CDC40: variants seen among roughly 807,000 people sequenced by gnomAD.
CDC40 encodes cell division cycle 40, also known as pre-mRNA-processing factor 17.
CDC40 carries 27 observed loss-of-function variants against 80.6 expected under a neutral mutation model. The ratio of observed to expected loss-of-function variants is 0.33; its 90% CI spans 0.25 to 0.46. The LOEUF is 0.46. CDC40 is among the 20% of genes least tolerant of loss of function. CDC40 has a pLI of 1.00. For missense variants in CDC40, 486 were observed against 694.1 expected, an observed-to-expected ratio of 0.70 and a Z score of 3.37; for synonymous variants, 221 against 232.6, an observed-to-expected ratio of 0.95 and a Z score of 0.45.
intron 11 of CDC40, 86 bp from the exon 12 acceptor site, chr6:110,219,650 C>A (rs1777742940): frequency 2.8e-6 from 4 of 1,440,218 alleles, no homozygotes; most frequent in Non-Finnish European, 2.9e-6. Flanking sequence ...TGTTGAAGAT[C>A]TTCTCCTTCT....
At chr6:110,228,625 A>G (rs1777895583) in intron 13 of CDC40, among the ~76,000 whole-genome samples, 1 of 152,106 alleles carries the variant, frequency 6.6e-6, no homozygotes, top group African/African-American at 2.4e-5. Flanking sequence ...AGGATCGTAT[A>G]TGCAAAAGCC....
intron 5 of CDC40, 21 bp from the exon 6 acceptor site, chr6:110,210,686 T>C: frequency 7.0e-7 from 1 of 1,425,646 alleles, no homozygotes; most frequent in Non-Finnish European, 9.4e-7. Flanking sequence ...CATTTTAAAT[T>C]TCACTCCTTA....
chr6:110,189,021 C>G (rs140152202), intron 1 of CDC40, among the ~76,000 whole-genome samples: 17 of 152,234 alleles, frequency 1.1e-4, no homozygotes, highest in African/African-American at 3.6e-4. Context: ...AACTAAGAAC[C>G]CTGACTGATA....
At chr6:110,215,551 GA>G (rs1777689412) in intron 9 of CDC40, among the ~76,000 whole-genome samples, 1 of 152,220 alleles carries the variant, frequency 6.6e-6, no homozygotes, top group Non-Finnish European at 1.5e-5. Context: ...GCGTGCTGCT[GA>G]GGGGATCCAC....
In CDC40 at chr6:110,212,184, A is replaced by T. The variant is rs1028720077; in HGVS notation, c.779A>T (p.Asp260Val). The change falls in exon 7 of 15, where the codon GAT (aspartate) becomes GTT (valine). Residue 260 changes from aspartate to valine, a missense_variant. Transcript: ENST00000307731. Reference sequence around the variant, plus strand: ...AGGTCCTATCTTCACATACCTCAGGATGTTGGTGTTAATCTACGGTCAACT... The same window carrying T: ...AGGTCCTATCTTCACATACCTCAGGTTGTTGGTGTTAATCTACGGTCAACT... ...QGRSYLHIPQ[D>V]VGVNLRSTMP... 3.7e-6 allele frequency: 6 copies of T among 1,613,238 alleles called. No individual in the cohort carries two copies. The highest frequency in any genetic ancestry group is 5.1e-6 in the Non-Finnish European group (6 of 1,179,348).
intron 2 of CDC40, among the ~76,000 whole-genome samples, chr6:110,199,367 G>A (rs944544667): frequency 3.3e-5 from 5 of 151,774 alleles, no homozygotes; most frequent in Non-Finnish European, 7.4e-5. Context: ...AGGCAGAGGC[G>A]GGCGGATACG....
At chr6:110,195,626 G>T (rs931910676) in intron 2 of CDC40, among the ~76,000 whole-genome samples, 1 of 152,070 alleles carries the variant, frequency 6.6e-6, no homozygotes, top group Non-Finnish European at 1.5e-5. Context: ...AAATCCTTCC[G>T]GCACAGAGTA....
rs1289763585 is a variant in CDC40, at chr6:110,202,358, A to G, written c.406+671A>G. ...TCTATGACACTTCCAGTCCAATAAA[A>G]TGGTTACAAATATGTTATACCCATT... On this transcript the variant is annotated intron_variant, in intron 3 of 14. Coordinates refer to ENST00000307731, the MANE Select transcript of CDC40 (RefSeq NM_015891.3). Among the ~76,000 whole-genome samples the G allele has an allele frequency of 2.0e-5, 3 of 152,332 alleles. No homozygotes were observed. The East Asian group carries it at 5.8e-4, about 29-fold the overall frequency.
intron 2 of CDC40, among the ~76,000 whole-genome samples, chr6:110,195,573 T>C (rs1454255751): frequency 1.3e-5 from 2 of 152,208 alleles, no homozygotes; most frequent in African/African-American, 2.4e-5. Flanking sequence ...TTTTATCTTA[T>C]TGAGTTATAA....
intron 3 of CDC40, among the ~76,000 whole-genome samples, chr6:110,203,883 C>G (rs1003040807): frequency 6.6e-6 from 1 of 152,042 alleles, no homozygotes; most frequent in Non-Finnish European, 1.5e-5. Context: ...TCCTTTTGTT[C>G]GACTTTCATC....
At chr6:110,192,209 G>A (rs1777358092) in intron 1 of CDC40, among the ~76,000 whole-genome samples, 1 of 152,130 alleles carries the variant, frequency 6.6e-6, no homozygotes, top group Admixed American at 6.5e-5. Context: ...CAGAAATCAG[G>A]GAGACCAGGT....
chr6:110,183,390 C>T (rs906015003), intron 1 of CDC40, among the ~76,000 whole-genome samples: 29 of 152,148 alleles, frequency 1.9e-4, no homozygotes. Flanking sequence ...AATTTTAGAG[C>T]TGGACATGCA....
chr6:110,181,435 G>T (rs566732617), intron 1 of CDC40, among the ~76,000 whole-genome samples: 1 of 152,082 alleles, frequency 6.6e-6, no homozygotes, highest in Non-Finnish European at 1.5e-5. Flanking sequence ...AGTAGAGCCC[G>T]AGGTAGGTGA....
In CDC40 at chr6:110,185,745, T is replaced by C. The variant is rs556826272; in HGVS notation, c.189+5112T>C. Reference sequence around the variant, plus strand: ...CTATAAAATTTCCGTATTTGAAAATTGTGAAATTGCACTTCTAAGCAACTA... The same window carrying C: ...CTATAAAATTTCCGTATTTGAAAATCGTGAAATTGCACTTCTAAGCAACTA... On this transcript the variant is annotated intron_variant, in intron 1 of 14. Coordinates refer to ENST00000307731, the MANE Select transcript of CDC40 (RefSeq NM_015891.3). Among the ~76,000 whole-genome samples, 4 of 152,308 alleles carry C rather than the reference T, an allele frequency of 2.6e-5. No individual in the cohort carries two copies. In the East Asian group the frequency reaches 7.7e-4, roughly 29 times the overall value.
In CDC40 at chr6:110,180,509, C is replaced by T; in HGVS notation, c.65C>T (p.Ser22Leu). Residue 22 changes from serine (S) to leucine (L), a missense_variant, in exon 1 of 15, where the codon TCG (serine) becomes TTG (leucine). Coordinates refer to ENST00000307731, the MANE Select transcript of CDC40 (RefSeq NM_015891.3). ...YGSGSGSESDSDSESSRCPLP... is the reference protein window; with the variant it reads ...YGSGSGSESDLDSESSRCPLP... ...TCGGGTTCAGGGTCCGAATCGGACT[C>T]GGACAGTGAGAGCAGTCGGTGTCCG... The T allele has an allele frequency of 6.2e-7, 1 of 1,614,166 alleles. No homozygotes were observed. The highest frequency in any genetic ancestry group is 1.1e-5 in the South Asian group (1 of 91,084).
chr6:110,218,731 G>T (rs1285172199), intron 10 of CDC40, among the ~76,000 whole-genome samples: 1 of 152,044 alleles, frequency 6.6e-6, no homozygotes, highest in African/African-American at 2.4e-5. Context: ...GTGTAGCCAA[G>T]GCTGAGAGAC....
At position 110,231,032 on chromosome 6, in the gene CDC40, T is replaced by G. The variant is rs1777930049; in HGVS notation, c.*901T>G. The G allele has an allele frequency of 6.6e-6, 1 of 152,234 alleles. No individual in the cohort carries two copies. Among genetic ancestry groups the G allele is most frequent in the Non-Finnish European group, 1.5e-5 (1 of 68,040 alleles). The allele number at this position is 152,234 out of a possible 1,614,324, so 9.4% of individuals were successfully genotyped here. A position where few individuals can be genotyped will look rare whatever the true frequency, so the allele number is the denominator to read the frequency against. ...TCTTTGAAGTCATATGTTTTATCTT[T>G]AAAATTATTCTTATTTTACCTGTGA... is the stretch of plus-strand genomic sequence containing the variant. On this transcript the variant is annotated 3_prime_UTR_variant, in exon 15 of 15. Transcript: ENST00000307731.
chr6:110,186,754 T>C (rs1185380337), intron 1 of CDC40, among the ~76,000 whole-genome samples: 1 of 152,176 alleles, frequency 6.6e-6, no homozygotes, highest in East Asian at 1.9e-4. Flanking sequence ...AGTTTTATTA[T>C]AGGATACACA....
chr6:110,229,980 G>A lies in CDC40; in HGVS notation c.1589G>A (p.Gly530Glu). The change falls in exon 15 of 15, where the codon GGA becomes GAA. Residue 530 changes from glycine to glutamate, a missense_variant. Gly to Glu is a moderately conservative substitution (Grantham distance 98, BLOSUM62 -2). Transcript: ENST00000307731. ...MSYVISGDGN[G>E]KLNIWDWKTT... The stretch of plus-strand genomic sequence containing the variant: ...TATGTGATTTCAGGAGATGGAAATG[G>A]AAAATTAAACATTTGGGACTGGAAG... 1 of 1,609,900 alleles carries A rather than the reference G, an allele frequency of 6.2e-7. No homozygotes were observed. Among genetic ancestry groups the A allele is most frequent in the South Asian group, 1.1e-5 (1 of 90,858 alleles).
Sources: allele counts gnomAD v4.1 joint callset (sites outside exome capture counted in the v4.1 genomes callset), GRCh38; gene constraint gnomAD v4.1.1; transcripts MANE v1.5; gene names NCBI Gene and HGNC (gene_info 2026-07-23, HGNC 2026-07-21).